Variants in RANBP2 observed in about 807,000 individuals in gnomAD.
The protein encoded by RANBP2 is RAN binding protein 2.
A neutral mutation model predicts 303.6 loss-of-function variants in RANBP2; 57 were observed. The ratio of observed to expected loss-of-function variants is 0.19; its 90% CI spans 0.15 to 0.23. RANBP2 has a LOEUF of 0.23. RANBP2 is among the 10% of genes least tolerant of loss of function. RANBP2 has a pLI of 1.00. For synonymous variants in RANBP2, 1,167 were observed against 1,301.5 expected (o/e 0.90, Z 2.23); for missense variants, 3,138 against 3,780.8 (o/e 0.83, Z 4.46).
At chr2:109,173,200 T>A in the RANBP2 span, among the ~76,000 whole-genome samples, 1 of 152,166 alleles carries the variant, frequency 6.6e-6, no homozygotes, top group African/African-American at 2.4e-5. Context: ...ACAGACTGAG[T>A]CATGGTTCTT....
chr2:108,908,156 G>T, the RANBP2 span: 1 of 958,622 alleles, frequency 1.0e-6, no homozygotes, highest in South Asian at 1.8e-5. Flanking sequence ...TGTTTACTGG[G>T]CACCTTGTGG....
At chr2:109,639,845 C>T in the RANBP2 span, among the ~76,000 whole-genome samples, 1 of 150,828 alleles carries the variant, frequency 6.6e-6, no homozygotes, top group South Asian at 2.1e-4. Context: ...TGAGTAGCTG[C>T]GATTACAGGC....
intron 6 of RANBP2, among the ~76,000 whole-genome samples, chr2:108,738,004 G>A (rs1402766000): frequency 6.7e-6 from 1 of 149,874 alleles, no homozygotes; most frequent in Admixed American, 6.6e-5. Flanking sequence ...GTGAGCCACC[G>A]CGCCCAGCCC....
chr2:109,137,138 A>T, the RANBP2 span, among the ~76,000 whole-genome samples: 1 of 152,206 alleles, frequency 6.6e-6, no homozygotes, highest in Non-Finnish European at 1.5e-5. Context: ...ATGTGTCTAT[A>T]TCTTTTTATT....
the RANBP2 span, chr2:109,613,915 C>G: frequency 8.2e-7 from 1 of 1,224,474 alleles, no homozygotes; most frequent in Non-Finnish European, 1.0e-6. Flanking sequence ...GGCCGGAGGG[C>G]AGAAGCAACG....
chr2:108,812,608 A>G, the RANBP2 span: 10 of 1,577,408 alleles, frequency 6.3e-6, no homozygotes, highest in East Asian at 2.2e-5. Flanking sequence ...ATATTGAAAT[A>G]TCTAACTTTT....
At chr2:109,123,199 A>G in the RANBP2 span, among the ~76,000 whole-genome samples, 1 of 152,130 alleles carries the variant, frequency 6.6e-6, no homozygotes, top group African/African-American at 2.4e-5. Flanking sequence ...TGACACCCTC[A>G]TATCCATCTC....
the RANBP2 span, among the ~76,000 whole-genome samples, chr2:109,057,990 G>A: frequency 0.012 from 1,782 of 152,282 alleles, 38 homozygotes; most frequent in African/African-American, 0.04. Context: ...TTGTGGCTGC[G>A]GAGGGGCAGG....
chr2:109,094,371 C>T, the RANBP2 span, among the ~76,000 whole-genome samples: 1 of 152,194 alleles, frequency 6.6e-6, no homozygotes, highest in Non-Finnish European at 1.5e-5. Context: ...TTTCTTCCAG[C>T]TGTGCCTGCT....
chr2:109,272,441 C>T, the RANBP2 span, among the ~76,000 whole-genome samples: 1 of 152,230 alleles, frequency 6.6e-6, no homozygotes, highest in Non-Finnish European at 1.5e-5. Context: ...CACCAGCATC[C>T]CGCAGCTCCA....
the RANBP2 span, among the ~76,000 whole-genome samples, chr2:109,210,775 T>G: frequency 2.0e-5 from 3 of 152,180 alleles, no homozygotes; most frequent in Non-Finnish European, 4.4e-5. Flanking sequence ...GTCGACTGCT[T>G]CTCTGGCAAG....
At chr2:109,717,333 G>A in the RANBP2 span, among the ~76,000 whole-genome samples, 3 of 148,200 alleles carry the variant, frequency 2.0e-5, no homozygotes, top group Non-Finnish European at 4.4e-5. Flanking sequence ...TGTAATCCCA[G>A]CACTTTGGGA....
At chr2:108,957,254 C>T in the RANBP2 span, among the ~76,000 whole-genome samples, 3 of 152,222 alleles carry the variant, frequency 2.0e-5, no homozygotes, top group African/African-American at 7.2e-5. Context: ...GGTGGCTGTT[C>T]ACCTTCGCTT....
chr2:109,252,289 A>G, the RANBP2 span, among the ~76,000 whole-genome samples: 1 of 152,210 alleles, frequency 6.6e-6, no homozygotes, highest in Non-Finnish European at 1.5e-5. Context: ...TATAATTTAA[A>G]AAGATGTTTT....
At chr2:109,321,354 G>T in the RANBP2 span, among the ~76,000 whole-genome samples, 1 of 152,188 alleles carries the variant, frequency 6.6e-6, no homozygotes, top group South Asian at 2.1e-4. Flanking sequence ...ATACCAGAAC[G>T]TCATCATTCA....
chr2:109,055,361 C>CTTTTCTTTTTCT, the RANBP2 span, among the ~76,000 whole-genome samples: 1 of 57,490 alleles, frequency 1.7e-5, no homozygotes, highest in African/African-American at 5.2e-5. Context: ...TCTATTTTTT[C>CTTTTCTTTTTCT]TTTTCTTTTT....
At chr2:108,984,086 T>C in the RANBP2 span, among the ~76,000 whole-genome samples, 1 of 152,196 alleles carries the variant, frequency 6.6e-6, no homozygotes, top group African/African-American at 2.4e-5. Flanking sequence ...AATCATGTGT[T>C]TCAGGTTAGG....
At chr2:108,746,208 C>CT (rs35544546) in intron 7 of RANBP2, among the ~76,000 whole-genome samples, 4,580 of 90,556 alleles carry the variant, frequency 0.051, 61 homozygotes, top group Non-Finnish European at 0.069. Flanking sequence ...ATGTCTGGCC[C>CT]TTTTTTTTTT....
the RANBP2 span, among the ~76,000 whole-genome samples, chr2:109,043,239 C>G: frequency 6.6e-6 from 1 of 152,088 alleles, no homozygotes; most frequent in Non-Finnish European, 1.5e-5. Context: ...GTCATTTGTA[C>G]GTAAATTTTG....
Sources: gnomAD v4.1 joint callset for allele counts (sites outside exome capture counted in the v4.1 genomes callset) on GRCh38, gnomAD v4.1.1 for gene constraint, MANE v1.5 for transcripts, NCBI Gene and HGNC (gene_info 2026-07-23, HGNC 2026-07-21) for gene names.